The following PROS1 variants were observed in gnomAD, a reference collection of about 807,000 sequenced individuals.
PROS1 encodes the protein protein S, also known as vitamin K-dependent protein S.
Under a neutral mutation model 75.9 loss-of-function variants are expected in PROS1, and 29 were observed. That is an observed-to-expected ratio of 0.38 (90% confidence interval 0.28 to 0.52). PROS1 has a LOEUF of 0.52. Among genes scored for constraint, PROS1 ranks in the 20% least tolerant of loss-of-function variants. The pLI, the probability that PROS1 is intolerant of heterozygous loss-of-function variation, is 0.83. For synonymous variants in PROS1, 245 were observed against 280.6 expected, an observed-to-expected ratio of 0.87 and a Z score of 1.27; for missense variants, 680 against 810.3, an observed-to-expected ratio of 0.84 and a Z score of 1.95.
At chr3:93,916,648 T>C (rs1708853643) in intron 3 of PROS1, among the ~76,000 whole-genome samples, 1 of 151,944 alleles carries the variant, frequency 6.6e-6, no homozygotes, top group African/African-American at 2.4e-5. Flanking sequence ...TGGAGGGAGA[T>C]TGTCTCTGCT....
chr3:93,942,537 C>T (rs1021188012), intron 1 of PROS1, among the ~76,000 whole-genome samples: 1 of 152,182 alleles, frequency 6.6e-6, no homozygotes, highest in Admixed American at 6.5e-5. Context: ...AGTGTTCCAA[C>T]TTCTGTCCTT....
chr3:93,887,108 C>T (rs1339115134), intron 10 of PROS1, among the ~76,000 whole-genome samples: 1 of 151,540 alleles, frequency 6.6e-6, no homozygotes, highest in African/African-American at 2.4e-5. Flanking sequence ...TTAGTAGAGA[C>T]GGGGTTTCAC....
chr3:93,889,444 T>A (rs1398725314), intron 10 of PROS1, among the ~76,000 whole-genome samples: 1 of 152,208 alleles, frequency 6.6e-6, no homozygotes, highest in Non-Finnish European at 1.5e-5. Context: ...AGACTCATAA[T>A]CAAAGATAAG....
chr3:93,927,292 A>C lies in PROS1; in HGVS notation c.192T>G (p.Asn64Lys). 6.2e-7 allele frequency: 1 copy of C among 1,613,138 alleles called. No homozygotes were observed. The highest frequency in any genetic ancestry group is 8.5e-7 in the Non-Finnish European group (1 of 1,179,978). The change falls in exon 2 of 15, where the codon AAT (asparagine) becomes AAG (lysine). Residue 64 changes from asparagine to lysine, a missense_variant. Coordinates refer to ENST00000394236, the MANE Select transcript of PROS1 (RefSeq NM_000313.4). ...LERECIEELC[N>K]KEEAREVFEN... ...CAAAGACCTCCCTGGCTTCTTCTTT[A>C]TTGCACAGTTCTTCGATGCATTCTC...
chr3:93,932,531 T>A (rs1709120723), intron 1 of PROS1, among the ~76,000 whole-genome samples: 1 of 152,230 alleles, frequency 6.6e-6, no homozygotes, highest in African/African-American at 2.4e-5. Flanking sequence ...GAAGTACAAC[T>A]GAGTCAACTT....
chr3:93,906,773 T>G (rs1274982060), intron 4 of PROS1, among the ~76,000 whole-genome samples: 1 of 152,230 alleles, frequency 6.6e-6, no homozygotes, highest in African/African-American at 2.4e-5. Flanking sequence ...TGCCTGCTCT[T>G]GCTTCCTGAC....
Position 93,929,205 on chromosome 3 carries a change from C to T in PROS1, c.77-1798G>A, listed in dbSNP as rs564399241. 9.9e-5 allele frequency among the ~76,000 whole-genome samples: 15 copies of T among 152,232 alleles called. No homozygotes were observed. The East Asian group carries it at 1.9e-3, about 20-fold the overall frequency. On this transcript the variant is annotated intron_variant, in intron 1 of 14. Coordinates refer to ENST00000394236, the MANE Select transcript of PROS1 (RefSeq NM_000313.4). ...ATCAAGAGGGGCACAGGATCAGGCA[C>T]GGTGGCTCATGCCTGTAATCCCAGC... is the stretch of plus-strand genomic sequence containing the variant.
chr3:93,956,533 TACACACACAC>T (rs758070649), intron 1 of PROS1, among the ~76,000 whole-genome samples: 1 of 113,338 alleles, frequency 8.8e-6, no homozygotes, highest in East Asian at 2.6e-4. Flanking sequence ...TCTCTCTCTC[TACACACACAC>T]ACACACACAC....
intron 1 of PROS1, among the ~76,000 whole-genome samples, chr3:93,950,393 G>T (rs760555083): frequency 2.0e-5 from 3 of 152,168 alleles, no homozygotes; most frequent in Non-Finnish European, 2.9e-5. Flanking sequence ...CCTCAAGTGG[G>T]TCCCTGACCC....
In PROS1 at chr3:93,956,563, A is replaced by ACACACAAACAC. The variant is rs57080075; in HGVS notation, c.76+17110_76+17111insGTGTTTGTGTG. On this transcript the variant is annotated intron_variant, in intron 1 of 14. Transcript: ENST00000394236. Reference sequence around the variant, plus strand: ...ACACACACACACACACACACACACAAACACACACACACACACACACACACA... The same window carrying ACACACAAACAC: ...ACACACACACACACACACACACACAACACACAAACACACACACACACACACACACACACACA... Among the ~76,000 whole-genome samples, 529 of 128,340 alleles carry ACACACAAACAC rather than the reference A, an allele frequency of 4.1e-3. 1 individual carries two copies. Among genetic ancestry groups the ACACACAAACAC allele is most frequent in the Middle Eastern group, 0.012 (3 of 256 alleles). 84.2% of individuals were successfully genotyped at this position (128,340 alleles called of 152,430 possible).
At chr3:93,889,564 C>A (rs1049162317) in intron 10 of PROS1, among the ~76,000 whole-genome samples, 14 of 152,136 alleles carry the variant, frequency 9.2e-5, no homozygotes, top group African/African-American at 3.4e-4. Context: ...GCATCAGCTA[C>A]TTATCTGTGA....
intron 2 of PROS1, among the ~76,000 whole-genome samples, chr3:93,924,711 A>C (rs1013980165): frequency 4.8e-5 from 7 of 145,434 alleles, no homozygotes; most frequent in African/African-American, 1.8e-4. Flanking sequence ...CACCCATGCT[A>C]GAGTGCAGTG....
intron 4 of PROS1, among the ~76,000 whole-genome samples, chr3:93,909,433 T>TAAA (rs752049146): frequency 2.8e-4 from 22 of 79,862 alleles, no homozygotes; most frequent in African/African-American, 7.7e-4. Flanking sequence ...AGAGCTTGTC[T>TAAA]AAAAAAAAAA....
chr3:93,894,045 C>A (rs1351985192), intron 9 of PROS1, among the ~76,000 whole-genome samples: 1 of 152,028 alleles, frequency 6.6e-6, no homozygotes, highest in Non-Finnish European at 1.5e-5. Flanking sequence ...GAAAGACAAA[C>A]AGGGAAAAGG....
At position 93,973,725 on chromosome 3, in the gene PROS1, C is replaced by T; in HGVS notation, c.25G>A (p.Gly9Arg). 1 of 1,613,778 alleles carries T rather than the reference C, an allele frequency of 6.2e-7. No homozygotes were observed. The highest frequency in any genetic ancestry group is 8.5e-7 in the Non-Finnish European group (1 of 1,179,870). ...AGGAGGAGACACGCCAGCAGCGCCCCGCAGCGCCCACCCAGGACCCTCATT... is the reference window on the plus strand; with the variant it reads ...AGGAGGAGACACGCCAGCAGCGCCCTGCAGCGCCCACCCAGGACCCTCATT... MRVLGGRC[G>R]ALLACLLLVL... Residue 9 changes from glycine (G) to arginine (R), a missense_variant, in exon 1 of 15, where the codon GGG (glycine) becomes AGG (arginine). Transcript: ENST00000394236.
chr3:93,882,907 G>T (rs1180650285), intron 12 of PROS1, among the ~76,000 whole-genome samples: 1 of 152,182 alleles, frequency 6.6e-6, no homozygotes, highest in East Asian at 1.9e-4. Flanking sequence ...CAGGAGAAAG[G>T]CAGCAAACCT....
chr3:93,963,237 A>C (rs912192945), intron 1 of PROS1, among the ~76,000 whole-genome samples: 1 of 152,188 alleles, frequency 6.6e-6, no homozygotes, highest in Non-Finnish European at 1.5e-5. Flanking sequence ...GTGGAGTCTG[A>C]AAATCTGACT....
At chr3:93,880,430 C>A (rs188884761) in intron 12 of PROS1, among the ~76,000 whole-genome samples, 1 of 151,994 alleles carries the variant, frequency 6.6e-6, no homozygotes, top group Non-Finnish European at 1.5e-5. Flanking sequence ...CGCTTGAACT[C>A]AGGAGGCAGA....
chr3:93,903,416 G>C (rs893009204), intron 6 of PROS1, among the ~76,000 whole-genome samples: 2 of 151,984 alleles, frequency 1.3e-5, no homozygotes, highest in African/African-American at 2.4e-5. Context: ...GTAATCCCAC[G>C]ACCTTGTGAG....
Sources: gnomAD v4.1 joint callset for allele counts (sites outside exome capture counted in the v4.1 genomes callset) on GRCh38, gnomAD v4.1.1 for gene constraint, MANE v1.5 for transcripts, NCBI Gene and HGNC (gene_info 2026-07-23, HGNC 2026-07-21) for gene names.